Variants in DEPDC1B observed in about 807,000 individuals in gnomAD.
The protein encoded by DEPDC1B is DEP domain-containing protein 1B.
A neutral mutation model predicts 66.5 loss-of-function variants in DEPDC1B; 51 were observed. That is an observed-to-expected ratio of 0.77 (90% CI 0.61 to 0.97). The LOEUF (loss-of-function observed/expected upper bound fraction) is 0.97, where lower values mean the gene tolerates loss of function less well. Among genes scored for constraint, DEPDC1B ranks in the 50% least tolerant of loss-of-function variants. The pLI, the probability that DEPDC1B is intolerant of heterozygous loss-of-function variation, is 0.00. For synonymous variants in DEPDC1B, 226 were observed against 223.6 expected, an observed-to-expected ratio of 1.01 and a Z score of -0.10; for missense variants, 552 against 637.1, an observed-to-expected ratio of 0.87 and a Z score of 1.44.
rs188595251 is a variant in DEPDC1B at position 60,642,910 on chromosome 5, T to C, written c.710-51A>G. On this transcript the variant is annotated intron_variant, in intron 5 of 10. Transcript: ENST00000265036. ...CAATTCCATATAACTCAAGACATCA[T>C]ATACATACTTGGTATCATAAGAATG... 3.3e-4 allele frequency: 451 copies of C among 1,377,388 alleles called. 1 individual carries two copies. In the African/African-American group the frequency reaches 5.8e-3, roughly 18 times the overall value. The allele number at this position is 1,377,388 out of a possible 1,614,324, so 85.3% of individuals were successfully genotyped here. A position where few individuals can be genotyped will look rare whatever the true frequency, so the allele number is the denominator to read the frequency against.
intron 2 of DEPDC1B, among the ~76,000 whole-genome samples, chr5:60,661,617 A>G (rs1753716855): frequency 6.6e-6 from 1 of 152,238 alleles, no homozygotes; most frequent in Non-Finnish European, 1.5e-5. Context: ...TTGATGTTTT[A>G]CAAGGGCTAG....
At chr5:60,688,139 G>A (rs1006136375) in intron 1 of DEPDC1B, among the ~76,000 whole-genome samples, 1 of 152,088 alleles carries the variant, frequency 6.6e-6, no homozygotes, top group Non-Finnish European at 1.5e-5. Context: ...AGATAATACA[G>A]TGCCTGATGT....
chr5:60,632,336 T>C (rs1172620887), intron 7 of DEPDC1B, among the ~76,000 whole-genome samples: 1 of 152,158 alleles, frequency 6.6e-6, no homozygotes, highest in Non-Finnish European at 1.5e-5. Flanking sequence ...CTAGGATCAT[T>C]GATGCCACCA....
At chr5:60,613,788 T>TTGTGTGTGTGTGTGTG (rs36109910) in intron 7 of DEPDC1B, among the ~76,000 whole-genome samples, 21 of 103,314 alleles carry the variant, frequency 2.0e-4, no homozygotes, top group African/African-American at 8.0e-4. Context: ...ACATATGTAT[T>TTGTGTGTGTGTGTGTG]TGTGTGTGTG....
At chr5:60,626,737 C>T (rs998520651) in intron 7 of DEPDC1B, among the ~76,000 whole-genome samples, 1 of 152,040 alleles carries the variant, frequency 6.6e-6, no homozygotes, top group Non-Finnish European at 1.5e-5. Flanking sequence ...TTCTACAATA[C>T]AGATTTCACA....
At chr5:60,689,164 G>C in intron 1 of DEPDC1B, 1 of 419,626 alleles carries the variant, frequency 2.4e-6, no homozygotes. Flanking sequence ...AAAAAATCCA[G>C]TTTCCTTCCA....
At chr5:60,687,857 A>C (rs966450443) in intron 1 of DEPDC1B, 5 of 195,282 alleles carry the variant, frequency 2.6e-5, no homozygotes, top group Middle Eastern at 5.7e-4. Flanking sequence ...AGGAAAAAAA[A>C]CTGTAAAGAA....
intron 7 of DEPDC1B, among the ~76,000 whole-genome samples, chr5:60,621,802 T>C (rs1584037837): frequency 6.6e-6 from 1 of 152,220 alleles, no homozygotes; most frequent in Admixed American, 6.5e-5. Flanking sequence ...ACTACTTTCT[T>C]TTCTTAGTAA....
chr5:60,618,186 G>A (rs896799368), intron 7 of DEPDC1B, among the ~76,000 whole-genome samples: 2 of 80,588 alleles, frequency 2.5e-5, no homozygotes, highest in South Asian at 5.4e-4. Flanking sequence ...AGAGAAAGCA[G>A]GAAAGATCTA....
At chr5:60,661,106 T>C (rs911106657) in intron 2 of DEPDC1B, among the ~76,000 whole-genome samples, 3 of 152,166 alleles carry the variant, frequency 2.0e-5, no homozygotes, top group Admixed American at 2.0e-4. Context: ...TAAATTTGCA[T>C]AAGAACTGTT....
At position 60,658,873 on chromosome 5, in the gene DEPDC1B, T is replaced by C. The variant is rs536255213; in HGVS notation, c.315-11340A>G. Among the ~76,000 whole-genome samples, 23 of 152,312 alleles carry C rather than the reference T, an allele frequency of 1.5e-4. No homozygotes were observed. In the South Asian group the frequency reaches 4.8e-3, roughly 32 times the overall value. Reference sequence around the variant, plus strand: ...GCTCAAGCTGAGCTTTTGCTCACCATCCACCACTGCTGTTTACCACTGTCG... The same window carrying C: ...GCTCAAGCTGAGCTTTTGCTCACCACCCACCACTGCTGTTTACCACTGTCG... On this transcript the variant is annotated intron_variant, in intron 2 of 10. Coordinates refer to ENST00000265036, the MANE Select transcript of DEPDC1B (RefSeq NM_018369.3).
intron 7 of DEPDC1B, among the ~76,000 whole-genome samples, chr5:60,617,657 T>A (rs1012750344): frequency 2.0e-5 from 3 of 152,226 alleles, no homozygotes; most frequent in Admixed American, 6.5e-5. Flanking sequence ...AGAGACCTAC[T>A]AAGAGACGTA....
intron 6 of DEPDC1B, among the ~76,000 whole-genome samples, chr5:60,640,352 A>G (rs1037323006): frequency 1.8e-4 from 28 of 152,188 alleles, no homozygotes; most frequent in African/African-American, 6.8e-4. Context: ...CTTTGTGAAC[A>G]TCTCATCATC....
intron 8 of DEPDC1B, among the ~76,000 whole-genome samples, chr5:60,605,245 G>A (rs1033350964): frequency 2.6e-5 from 4 of 152,034 alleles, no homozygotes; most frequent in Admixed American, 6.6e-5. Flanking sequence ...TGCACAGCAC[G>A]GTGACGACAA....
chr5:60,644,887 GTA>G lies in DEPDC1B; in HGVS notation c.579-14_579-13del. The G allele has an allele frequency of 3.2e-6, 5 of 1,569,618 alleles. No individual in the cohort carries two copies. Among genetic ancestry groups the G allele is most frequent in the Non-Finnish European group, 4.3e-6 (5 of 1,152,142 alleles). On this transcript the variant is annotated splice_polypyrimidine_tract_variant and intron_variant, in intron 4 of 10. Transcript: ENST00000265036. ...GAATTTTCTGTAAGCTAAAAGATAA[GTA>G]ATTATATTAATTAGTTCTGTCTTTA...
chr5:60,699,911 TAGTCCC>T (rs1267051569), intron 1 of DEPDC1B, 129 bp downstream of exon 1: 26 of 1,060,312 alleles, frequency 2.5e-5, no homozygotes, highest in African/African-American at 1.6e-5. Context: ...GCAGCCCCAG[TAGTCCC>T]AGCTGAAATG....
At chr5:60,618,767 A>C (rs990267075) in intron 7 of DEPDC1B, among the ~76,000 whole-genome samples, 1 of 152,234 alleles carries the variant, frequency 6.6e-6, no homozygotes, top group East Asian at 1.9e-4. Context: ...AAAAAGAGGG[A>C]ATCCTCCCTA....
At chr5:60,692,987 A>T (rs1271464053) in intron 1 of DEPDC1B, among the ~76,000 whole-genome samples, 1 of 152,176 alleles carries the variant, frequency 6.6e-6, no homozygotes, top group Non-Finnish European at 1.5e-5. Flanking sequence ...CTTCATAAGG[A>T]GGTAGGGACC....
chr5:60,692,380 A>T (rs1391457647), intron 1 of DEPDC1B, among the ~76,000 whole-genome samples: 15 of 152,222 alleles, frequency 9.9e-5, no homozygotes, highest in Admixed American at 9.8e-4. Flanking sequence ...AATTAGCTTG[A>T]TTTAATTATT....
Sources: allele counts gnomAD v4.1 joint callset (sites outside exome capture counted in the v4.1 genomes callset), GRCh38; gene constraint gnomAD v4.1.1; transcripts MANE v1.5; gene names NCBI Gene and HGNC (gene_info 2026-07-23, HGNC 2026-07-21).